The following HELB variants were observed in gnomAD, a reference collection of about 807,000 sequenced individuals.
HELB encodes DNA 5'-3' helicase B.
HELB carries 96 observed loss-of-function variants against 101.7 expected under a neutral mutation model. The ratio of observed to expected loss-of-function variants is 0.94; its 90% CI spans 0.80 to 1.12. The LOEUF (loss-of-function observed/expected upper bound fraction) is 1.12, where lower values mean the gene tolerates loss of function less well. Ranked by LOEUF, HELB falls within the 50% of genes most tolerant of loss-of-function variation. HELB has a pLI of 0.00. For missense variants in HELB, 1,210 were observed against 1,291.9 expected, an observed-to-expected ratio of 0.94 and a Z score of 0.97; for synonymous variants, 437 against 459.7, an observed-to-expected ratio of 0.95 and a Z score of 0.63.
intron 7 of HELB, chr12:66,321,415 C>G (rs2053669115): frequency 6.6e-6 from 1 of 152,626 alleles, no homozygotes. Context: ...TGTTTTCCAG[C>G]TAATATGGAA....
intron 5 of HELB, 140 bp from the exon 6 acceptor site, chr12:66,315,099 GTTA>G: frequency 6.1e-6 from 3 of 490,838 alleles, no homozygotes; most frequent in African/African-American, 2.0e-5. Flanking sequence ...ACCTTATTGT[GTTA>G]TTACTATTTT....
intron 12 of HELB, among the ~76,000 whole-genome samples, chr12:66,337,619 T>TAAA (rs34804860): frequency 7.2e-6 from 1 of 138,096 alleles, no homozygotes; most frequent in African/African-American, 2.6e-5. Flanking sequence ...GGCCCACACT[T>TAAA]AAAAAAAAAA....
intron 11 of HELB, among the ~76,000 whole-genome samples, chr12:66,327,066 A>AATATATATATATATATATAT (rs1555167520): frequency 3.6e-4 from 17 of 46,812 alleles, no homozygotes; most frequent in African/African-American, 2.1e-3. Context: ...AAAAAAAAAA[A>AATATATATATATATATATAT]ATATATATAT....
intron 11 of HELB, among the ~76,000 whole-genome samples, chr12:66,325,564 C>T (rs1307418827): frequency 6.6e-6 from 1 of 152,168 alleles, no homozygotes; most frequent in Non-Finnish European, 1.5e-5. Flanking sequence ...GTGAGTTCCT[C>T]ACTTGCCTTG....
At chr12:66,332,415 A>T (rs1168613543) in intron 12 of HELB, among the ~76,000 whole-genome samples, 2 of 152,220 alleles carry the variant, frequency 1.3e-5, no homozygotes, top group Non-Finnish European at 2.9e-5. Flanking sequence ...TAAATGGAAA[A>T]TTCCAGAAAT....
intron 11 of HELB, among the ~76,000 whole-genome samples, chr12:66,328,245 GA>G (rs1051406242): frequency 3.3e-5 from 5 of 152,122 alleles, no homozygotes; most frequent in African/African-American, 1.2e-4. Context: ...TAGAGTGACT[GA>G]AAAACTAAAT....
intron 2 of HELB, among the ~76,000 whole-genome samples, chr12:66,305,605 TGTG>T (rs2053465645): frequency 1.3e-5 from 2 of 152,112 alleles, no homozygotes; most frequent in Admixed American, 1.3e-4. Flanking sequence ...ATTAGCCAGG[TGTG>T]GTGATATATA....
Position 66,331,236 on chromosome 12 carries a change from G to C in HELB, c.2753G>C (p.Arg918Thr). The part of the protein sequence containing the change: ...HWQHVYTAVT[R>T]GRCRVYVIAE... Reference sequence around the variant, plus strand: ...CAGCATGTCTACACCGCCGTGACCAGGGGCCGCTGCCGAGTGTATGTGATT... The same window carrying C: ...CAGCATGTCTACACCGCCGTGACCACGGGCCGCTGCCGAGTGTATGTGATT... The change falls in exon 12 of 13, where the codon AGG becomes ACG. Residue 918 changes from arginine to threonine, a missense_variant. Physicochemically the swap from Arg to Thr is moderately conservative, Grantham distance 71. This residue lies in a region of HELB where 740 missense variants were observed against 728.8 expected (regional missense o/e 1.02). Transcript: ENST00000247815. 2 of 1,614,216 alleles carry C rather than the reference G, an allele frequency of 1.2e-6. No individual in the cohort carries two copies. Among genetic ancestry groups the C allele is most frequent in the Non-Finnish European group, 1.7e-6 (2 of 1,180,012 alleles).
chr12:66,309,991 G>A lies in HELB; in HGVS notation c.1063G>A (p.Asp355Asn), dbSNP rs1316598181. ...TYEKSCVFPY[D>N]LYHAERAIAF... ...TGAGAAGTCCTGTGTCTTCCCTTAT[G>A]ACCTTTACCATGCTGAAAGAGCCAT... Residue 355 changes from aspartate to asparagine, a missense_variant, in exon 4 of 13, where the codon GAC (aspartate) becomes AAC (asparagine). Transcript: ENST00000247815. 1 of 1,614,062 alleles carries A rather than the reference G, an allele frequency of 6.2e-7. No individual in the cohort carries two copies. Among genetic ancestry groups the A allele is most frequent in the Non-Finnish European group, 8.5e-7 (1 of 1,180,038 alleles).
intron 5 of HELB, 47 bp from the exon 6 acceptor site, chr12:66,315,195 A>AT (rs1352820123): frequency 3.6e-6 from 5 of 1,398,470 alleles, no homozygotes; most frequent in Non-Finnish European, 2.9e-6. Context: ...TCTTGGGGGT[A>AT]TTTTTTCTCA....
chr12:66,340,740 T>G (rs1367676294), downstream of HELB: 1 of 157,100 alleles, frequency 6.4e-6, no homozygotes, highest in Admixed American at 6.5e-5. Flanking sequence ...GAGTCTGATG[T>G]TTAAGGGCAG....
In HELB at chr12:66,304,873, G is replaced by A. The variant is rs531762590; in HGVS notation, c.330G>A (p.Pro110=). ...ATCAATATCAAGTTCAAGGATTTCC[G>A]TCTTACTTTTTGCAGTCTGATATGT... ...RSYQYQVQGF[P]SYFLQSDMSP... The change falls in exon 2 of 13, where the codon CCG becomes CCA. Residue 110 remains proline, a synonymous_variant. Transcript: ENST00000247815. 1.1e-5 allele frequency: 17 copies of A among 1,613,988 alleles called. No homozygotes were observed. Among genetic ancestry groups the A allele is most frequent in the African/African-American group, 2.7e-5 (2 of 74,902 alleles).
chr12:66,310,524 A>G lies in HELB; in HGVS notation c.1596A>G (p.Ile532Met), dbSNP rs767319374. The change falls in exon 4 of 13, where the codon ATA (isoleucine) becomes ATG (methionine). Residue 532 changes from isoleucine (I) to methionine (M), a missense_variant. By Grantham distance (10) the Ile-to-Met change is conservative. Coordinates refer to ENST00000247815, the MANE Select transcript of HELB (RefSeq NM_001370285.1). The stretch of plus-strand genomic sequence containing the variant: ...GTCAACTAGAGGCGGACAAGGCTAT[A>G]GAAGTTTTGCTCACAGCACCTACAG... ...EQSQLEADKA[I>M]EVLLTAPTGK... 3.1e-6 allele frequency: 5 copies of G among 1,614,132 alleles called. No homozygotes were observed. Among genetic ancestry groups the G allele is most frequent in the African/African-American group, 2.7e-5 (2 of 74,950 alleles).
chr12:66,324,926 A>G (rs1283666106), intron 10 of HELB, 57 bp from the exon 11 acceptor site: 7 of 1,597,366 alleles, frequency 4.4e-6, no homozygotes, highest in Non-Finnish European at 6.0e-6. Flanking sequence ...CTTTGAACGT[A>G]TTTGAACGTA....
At position 66,305,115 on chromosome 12, in the gene HELB, T is replaced by C. The variant is rs4430553; in HGVS notation, c.572T>C (p.Leu191Pro). 819,553 of 1,577,518 alleles carry C rather than the reference T, an allele frequency of 0.52. 216,727 individuals carry two copies. Among genetic ancestry groups the C allele is most frequent in the African/African-American group, 0.65 (47,408 of 72,716 alleles). ...PTQNGQEELFLDNEMSLPLEN... is the reference protein window; with the variant it reads ...PTQNGQEELFPDNEMSLPLEN... ...CAGAATGGTCAGGAAGAGTTGTTCC[T>C]AGACAATGAGATGAGTCTTCCTCTG... Residue 191 changes from leucine (L) to proline (P), a missense_variant, in exon 2 of 13, where the codon CTA becomes CCA. By Grantham distance (98) the Leu-to-Pro change is moderately conservative. This residue lies in a region of HELB where 470 missense variants were observed against 563.1 expected (regional missense o/e 0.83). Coordinates refer to ENST00000247815, the MANE Select transcript of HELB (RefSeq NM_001370285.1).
chr12:66,304,756 A>G lies in HELB; in HGVS notation c.213A>G (p.Gln71=). The G allele has an allele frequency of 1.2e-6, 2 of 1,609,038 alleles. No homozygotes were observed. The highest frequency in any genetic ancestry group is 1.7e-6 in the Non-Finnish European group (2 of 1,177,796). Residue 71 remains glutamine (Q), a synonymous_variant, in exon 2 of 13, where the codon CAA becomes CAG. Coordinates refer to ENST00000247815, the MANE Select transcript of HELB (RefSeq NM_001370285.1). ...TTTCTATTTGTGATGAAAACACACA[A>G]GAGACATGTAAAGTGTTTGGACGTT... ...LRVSICDENT[Q]ETCKVFGRFP... is the part of the protein sequence containing the mutation.
chr12:66,316,334 C>T (rs866946512), intron 6 of HELB, among the ~76,000 whole-genome samples: 9 of 152,278 alleles, frequency 5.9e-5, no homozygotes, highest in Middle Eastern at 3.4e-3. Flanking sequence ...ATTAAAATCT[C>T]TAGATATAAT....
chr12:66,338,907 T>C (rs1197515809), downstream of HELB: 1 of 152,248 alleles, frequency 6.6e-6, no homozygotes, highest in Non-Finnish European at 1.5e-5. Context: ...CTGGGACTTT[T>C]CCTTGGAAGT....
In HELB at chr12:66,302,585, G is replaced by T. The variant is rs1352165187; in HGVS notation, c.-19G>T. The stretch of plus-strand genomic sequence containing the variant: ...AGCCAGGGTTTTCCCGAGTTGTTTG[G>T]GTTGAGTTCAGGAGAAGCATGGCCA... On this transcript the variant is annotated 5_prime_UTR_variant, in exon 1 of 13. Transcript: ENST00000247815. The T allele has an allele frequency of 3.1e-6, 5 of 1,607,266 alleles. No individual in the cohort carries two copies. In the South Asian group the frequency reaches 5.5e-5, roughly 18 times the overall value.
Sources: allele counts gnomAD v4.1 joint callset (sites outside exome capture counted in the v4.1 genomes callset), GRCh38; gene constraint gnomAD v4.1.1; regional missense constraint gnomAD v4.1.1; transcripts MANE v1.5; gene names NCBI Gene and HGNC (gene_info 2026-07-23, HGNC 2026-07-21).